The following RBFOX3 variants were observed in gnomAD, a reference collection of about 807,000 sequenced individuals.
RBFOX3 encodes the protein RNA binding fox-1 homolog 3, also known as RNA binding protein fox-1 homolog 3.
In RBFOX3, 17 loss-of-function variants were observed where a neutral mutation model predicts 48.7. The observed-to-expected ratio is 0.35, with a 90% CI of 0.24 to 0.52. RBFOX3 has a LOEUF of 0.52. Among genes scored for constraint, RBFOX3 ranks in the 20% least tolerant of loss-of-function variants. The probability of loss-of-function intolerance (pLI) is 0.94; values close to 1 mark genes in which losing one functional copy is unlikely to be tolerated. For synonymous variants in RBFOX3, 212 were observed against 209.5 expected (o/e 1.01, Z -0.10); for missense variants, 382 against 497.5 (o/e 0.77, Z 2.21).
rs2088637318 is a variant in RBFOX3 at position 79,535,866 on chromosome 17, C to G, written c.-319-53268G>C. On this transcript the variant is annotated intron_variant, in intron 1 of 14. Transcript: ENST00000693108. This position sits in a 1 kb window ranked among gnomAD's most constrained non-coding sequence, Gnocchi z 4.5. ...GTTGATCTCTGCTCCCCCTCAGTCA[C>G]AAACCCACTCCTGGTTTCCCTGCAC... Among the ~76,000 whole-genome samples the G allele has an allele frequency of 6.6e-6, 1 of 152,158 alleles. No individual in the cohort carries two copies. The highest frequency in any genetic ancestry group is 2.4e-5 in the African/African-American group (1 of 41,432).
chr17:79,245,073 TTTTG>T (rs2062968996), intron 3 of RBFOX3, among the ~76,000 whole-genome samples: 1 of 151,200 alleles, frequency 6.6e-6, no homozygotes, highest in Admixed American at 6.6e-5. Flanking sequence ...CCTTTTCTCT[TTTTG>T]TTTTTCTTTT....
chr17:79,176,595 T>G (rs2050601144), intron 4 of RBFOX3, among the ~76,000 whole-genome samples: 1 of 152,188 alleles, frequency 6.6e-6, no homozygotes, highest in Non-Finnish European at 1.5e-5. Context: ...AGTAATGCGA[T>G]TTGCAAGATA....
intron 4 of RBFOX3, among the ~76,000 whole-genome samples, chr17:79,147,653 G>T (rs2043315189): frequency 6.6e-6 from 1 of 152,224 alleles, no homozygotes; most frequent in Non-Finnish European, 1.5e-5. Context: ...GACCCCAAAA[G>T]GCAGAGCACG....
At position 79,111,273 on chromosome 17, in the gene RBFOX3, C is replaced by T. The variant is rs1460054499; in HGVS notation, c.222+4221G>A. ...CAGCAGGCAGTGAGGGAGGTGCTGG[C>T]CCCTCAGACATCAGGCCCTTGCGGC... On this transcript the variant is annotated intron_variant, in intron 5 of 14. Coordinates refer to ENST00000693108, the MANE Select transcript of RBFOX3 (RefSeq NM_001350451.2). The surrounding 1 kb of genome is among the most constrained non-coding windows in gnomAD (Gnocchi z 4.2). Among the ~76,000 whole-genome samples the T allele has an allele frequency of 1.3e-5, 2 of 152,132 alleles. No homozygotes were observed. Among genetic ancestry groups the T allele is most frequent in the East Asian group, 3.9e-4 (2 of 5,172 alleles).
rs530090372 is a variant in RBFOX3 at position 79,305,511 on chromosome 17, C to G, written c.-74+2213G>C. On this transcript the variant is annotated intron_variant, in intron 3 of 14. Coordinates refer to ENST00000693108, the MANE Select transcript of RBFOX3 (RefSeq NM_001350451.2). The stretch of plus-strand genomic sequence containing the variant: ...CCAAGGCAGGGCAGAGCCCTGCCCC[C>G]TTGTCCGCCTCCTCTGGACAGACCG... 4.4e-4 allele frequency among the ~76,000 whole-genome samples: 67 copies of G among 152,204 alleles called. 1 individual carries two copies. The highest frequency in any genetic ancestry group is 7.9e-4 in the Non-Finnish European group (54 of 68,040).
chr17:79,200,930 C>T (rs2056655303), intron 4 of RBFOX3, among the ~76,000 whole-genome samples: 1 of 152,060 alleles, frequency 6.6e-6, no homozygotes, highest in Non-Finnish European at 1.5e-5. Flanking sequence ...GGCAGCTGGG[C>T]CTGGCCAGTC....
chr17:79,121,533 T>C (rs1409237632), intron 4 of RBFOX3, among the ~76,000 whole-genome samples: 3 of 152,340 alleles, frequency 2.0e-5, no homozygotes, highest in East Asian at 3.9e-4. Context: ...GCCACCTTTG[T>C]CAAGGTTTTT....
At chr17:79,627,979 CCT>C in the RBFOX3 span, among the ~76,000 whole-genome samples, 6 of 151,024 alleles carry the variant, frequency 4.0e-5, no homozygotes, top group Non-Finnish European at 8.9e-5. Flanking sequence ...CCCTGGGCTG[CCT>C]CTCTCTGCTG....
chr17:79,615,372 G>A (rs1328428323), upstream of RBFOX3, among the ~76,000 whole-genome samples: 2 of 152,078 alleles, frequency 1.3e-5, no homozygotes, highest in African/African-American at 4.8e-5. Context: ...GGGCAATGAG[G>A]GATGGAAGAA....
At chr17:79,582,500 C>G (rs1466607413) in intron 1 of RBFOX3, among the ~76,000 whole-genome samples, 24 of 152,150 alleles carry the variant, frequency 1.6e-4, no homozygotes, top group Non-Finnish European at 1.9e-4. Context: ...CTCAATAAAT[C>G]TCTGTTCAAG....
chr17:79,133,635 C>T (rs1425103229), intron 4 of RBFOX3, among the ~76,000 whole-genome samples: 1 of 152,226 alleles, frequency 6.6e-6, no homozygotes, highest in African/African-American at 2.4e-5. Flanking sequence ...TCCATCCTTG[C>T]TCAAGTCCTG....
intron 2 of RBFOX3, among the ~76,000 whole-genome samples, chr17:79,445,227 T>C (rs1477552458): frequency 6.6e-6 from 1 of 152,224 alleles, no homozygotes; most frequent in Non-Finnish European, 1.5e-5. Context: ...GGTGTGTTCA[T>C]GGCAGACATA....
In RBFOX3 at chr17:79,364,879, T is replaced by C. The variant is rs1283054840; in HGVS notation, c.-174-57055A>G. Among the ~76,000 whole-genome samples the C allele has an allele frequency of 6.6e-6, 1 of 152,104 alleles. No homozygotes were observed. Among genetic ancestry groups the C allele is most frequent in the Non-Finnish European group, 1.5e-5 (1 of 68,012 alleles). On this transcript the variant is annotated intron_variant, in intron 2 of 14. Transcript: ENST00000693108. The surrounding 1 kb of genome is among the most constrained non-coding windows in gnomAD (Gnocchi z 5.1). The stretch of plus-strand genomic sequence containing the variant: ...GGCTACCTTGTGTGGCCAGAACCAC[T>C]CAGTCAATGTGAGGCTGACTCCTGG...
chr17:79,206,778 C>A (rs953350436), intron 4 of RBFOX3, among the ~76,000 whole-genome samples: 1 of 152,148 alleles, frequency 6.6e-6, no homozygotes, highest in Admixed American at 6.5e-5. Context: ...GTGGATGCAA[C>A]CTTCCCTCTT....
At chr17:79,542,833 A>G (rs1304224501) in intron 1 of RBFOX3, among the ~76,000 whole-genome samples, 1 of 152,200 alleles carries the variant, frequency 6.6e-6, no homozygotes, top group African/African-American at 2.4e-5. Context: ...TTGTAATCAC[A>G]TATTTTATTT....
chr17:79,365,132 CACA>C, intron 2 of RBFOX3, among the ~76,000 whole-genome samples: 1 of 115,246 alleles, frequency 8.7e-6, no homozygotes, highest in African/African-American at 3.6e-5. Flanking sequence ...TGTGCGCACA[CACA>C]CACACACACA....
In RBFOX3 at chr17:79,090,695, G is replaced by T. The variant is rs2073708345; in HGVS notation, c.*188C>A. The T allele has an allele frequency of 1.4e-6, 1 of 712,062 alleles. No homozygotes were observed. Among genetic ancestry groups the T allele is most frequent in the Non-Finnish European group, 2.3e-6 (1 of 438,906 alleles). The allele number at this position is 712,062 out of a possible 1,614,324, so 44.1% of individuals were successfully genotyped here. The stretch of plus-strand genomic sequence containing the variant: ...GGGCCGCTCCTCGGCGCCCCTGCCG[G>T]CGTGCTCCCTCGGTGCGGGCGTGTG... On this transcript the variant is annotated 3_prime_UTR_variant, in exon 15 of 15. Coordinates refer to ENST00000693108, the MANE Select transcript of RBFOX3 (RefSeq NM_001350451.2).
chr17:79,397,602 G>A (rs1598514526), intron 2 of RBFOX3, among the ~76,000 whole-genome samples: 1 of 151,812 alleles, frequency 6.6e-6, no homozygotes, highest in East Asian at 1.9e-4. Context: ...GCAGATTTAA[G>A]CTTCGGGCCA....
At chr17:79,555,492 A>AGTG (rs1294825102) in intron 1 of RBFOX3, among the ~76,000 whole-genome samples, 1 of 45,680 alleles carries the variant, frequency 2.2e-5, no homozygotes, top group African/African-American at 1.1e-4. Context: ...TGGTGATGAC[A>AGTG]GTGGTGGTGG....
Sources: gnomAD v4.1 joint callset for allele counts (sites outside exome capture counted in the v4.1 genomes callset) on GRCh38, gnomAD v4.1.1 for gene constraint, Gnocchi (gnomAD v3.1) non-coding constraint, MANE v1.5 for transcripts, NCBI Gene and HGNC (gene_info 2026-07-23, HGNC 2026-07-21) for gene names.